The following KCNB2 variants were observed in gnomAD, a reference collection of about 807,000 sequenced individuals.
KCNB2 encodes the protein delayed rectifier potassium channel protein.
Under a neutral mutation model 61.5 loss-of-function variants are expected in KCNB2, and 15 were observed. That is an observed-to-expected ratio of 0.24 (90% confidence interval 0.16 to 0.38). The LOEUF (loss-of-function observed/expected upper bound fraction) is 0.38. Among genes scored for constraint, KCNB2 ranks in the 10% least tolerant of loss-of-function variants. The pLI is 1.00. For missense variants in KCNB2, 828 were observed against 1,125.2 expected, an observed-to-expected ratio of 0.74 and a Z score of 3.78; for synonymous variants, 457 against 446.0, an observed-to-expected ratio of 1.02 and a Z score of -0.31.
At chr8:72,561,733 A>G (rs1043770896) in intron 1 of KCNB2, among the ~76,000 whole-genome samples, 235 of 18,328 alleles carry the variant, frequency 0.013, 7 homozygotes, top group African/African-American at 0.027. Flanking sequence ...ATATATCTAT[A>G]TCTATATATA....
chr8:72,770,351 T>C (rs1563380145), intron 2 of KCNB2, among the ~76,000 whole-genome samples: 1 of 152,192 alleles, frequency 6.6e-6, no homozygotes, highest in Non-Finnish European at 1.5e-5. Context: ...AGGTTTTGTG[T>C]GTGTGCTTAA....
chr8:72,763,444 T>A (rs5017509), intron 2 of KCNB2, among the ~76,000 whole-genome samples: 18,204 of 152,172 alleles, frequency 0.12, 1,561 homozygotes, highest in East Asian at 0.51. Context: ...AAAAATCCAG[T>A]GTCTAGATGG....
rs1806911356 is a variant in KCNB2 at position 72,936,780 on chromosome 8, C to T, written c.1425C>T (p.Ser475=). The T allele has an allele frequency of 6.2e-7, 1 of 1,613,952 alleles. No homozygotes were observed. Among genetic ancestry groups the T allele is most frequent in the Non-Finnish European group, 8.5e-7 (1 of 1,180,014 alleles). ...TGGCTGTTGAGAAGGCCGGAGAGTC[C>T]GCCAACACAAAGGACTCCGCCGACG... ...IDVAVEKAGE[S]ANTKDSADDN... is the part of the protein sequence containing the mutation. The change falls in exon 3 of 3, where the codon TCC becomes TCT. Residue 475 remains serine, a synonymous_variant. Transcript: ENST00000523207. The surrounding 1 kb of genome is among the most constrained non-coding windows in gnomAD (Gnocchi z 5.6).
At chr8:72,717,202 A>G (rs867509492) in intron 2 of KCNB2, among the ~76,000 whole-genome samples, 5 of 152,258 alleles carry the variant, frequency 3.3e-5, no homozygotes, top group South Asian at 4.1e-4. Context: ...GCTCATAGGT[A>G]GAAAGAATCA....
chr8:72,659,619 A>G (rs1469043632), intron 2 of KCNB2, among the ~76,000 whole-genome samples: 1 of 152,216 alleles, frequency 6.6e-6, no homozygotes, highest in African/African-American at 2.4e-5. Context: ...TGCCACATTG[A>G]AAGTAGAGTC....
At chr8:72,848,614 A>G (rs1421881483) in intron 2 of KCNB2, among the ~76,000 whole-genome samples, 1 of 152,176 alleles carries the variant, frequency 6.6e-6, no homozygotes, top group African/African-American at 2.4e-5. Flanking sequence ...GGTCCAGTCC[A>G]TGGACCACAT....
intron 1 of KCNB2, among the ~76,000 whole-genome samples, chr8:72,557,774 G>T (rs1806451271): frequency 6.6e-6 from 1 of 152,150 alleles, no homozygotes; most frequent in South Asian, 2.1e-4. Flanking sequence ...GCCACACAGT[G>T]GGCCTGGTAG....
intron 2 of KCNB2, among the ~76,000 whole-genome samples, chr8:72,925,086 C>G (rs1397410411): frequency 6.6e-6 from 1 of 152,164 alleles, no homozygotes; most frequent in Non-Finnish European, 1.5e-5. Context: ...TGCAGAGATT[C>G]ATTAAAAGGA....
chr8:72,855,298 C>T (rs1156619798), intron 2 of KCNB2, among the ~76,000 whole-genome samples: 1 of 152,214 alleles, frequency 6.6e-6, no homozygotes, highest in Non-Finnish European at 1.5e-5. Flanking sequence ...CAAGACTGCA[C>T]TCTCTTCACC....
Position 72,761,399 on chromosome 8 carries a change from G to A in KCNB2, c.580-174536G>A, listed in dbSNP as rs141231096. Among the ~76,000 whole-genome samples the A allele has an allele frequency of 9.2e-5, 14 of 152,264 alleles. No homozygotes were observed. The East Asian group carries it at 1.5e-3, about 17-fold the overall frequency. ...GCTTGAAACACATGCATTCACAAAT[G>A]AGCCCCTTCCAACAATGCCTAAGGA... On this transcript the variant is annotated intron_variant, in intron 2 of 2. Transcript: ENST00000523207.
chr8:72,614,211 G>A (rs1805583060), intron 2 of KCNB2, among the ~76,000 whole-genome samples: 1 of 152,152 alleles, frequency 6.6e-6, no homozygotes. Flanking sequence ...AGTTTTATTA[G>A]ATATTGATTG....
chr8:72,638,165 G>T (rs540005206), intron 2 of KCNB2, among the ~76,000 whole-genome samples: 5 of 152,138 alleles, frequency 3.3e-5, no homozygotes, highest in African/African-American at 1.2e-4. Context: ...TCCAGTATCC[G>T]CCATTCAGAA....
Position 72,937,299 on chromosome 8 carries a change from C to T in KCNB2, c.1944C>T (p.Gly648=), listed in dbSNP as rs763584250. The part of the protein sequence containing the change: ...PGTEEHQRAR[G]PPFLTLSREK... ...CAGAAGAGCACCAAAGAGCTAGGGG[C>T]CCCCCGTTTCTAACTCTATCCAGAG... Residue 648 remains glycine (G), a synonymous_variant, in exon 3 of 3, where the codon GGC becomes GGT. Transcript: ENST00000523207. 5.0e-6 allele frequency: 8 copies of T among 1,613,644 alleles called. No individual in the cohort carries two copies. The African/African-American group carries it at 9.3e-5, about 19-fold the overall frequency.
intron 2 of KCNB2, among the ~76,000 whole-genome samples, chr8:72,657,014 G>A (rs1806302550): frequency 6.6e-6 from 1 of 152,048 alleles, no homozygotes; most frequent in Non-Finnish European, 1.5e-5. Flanking sequence ...TTTCATTAGG[G>A]TAGAAAACCA....
chr8:72,803,107 A>C (rs1809158371), intron 2 of KCNB2, among the ~76,000 whole-genome samples: 1 of 152,124 alleles, frequency 6.6e-6, no homozygotes, highest in Non-Finnish European at 1.5e-5. Flanking sequence ...GACCTGTGGA[A>C]ATGAAGAAGG....
chr8:72,652,868 T>G (rs1806233994), intron 2 of KCNB2, among the ~76,000 whole-genome samples: 1 of 152,144 alleles, frequency 6.6e-6, no homozygotes, highest in Admixed American at 6.5e-5. Flanking sequence ...TAACAGGAAT[T>G]TATTCTCCAA....
At chr8:72,883,894 T>C (rs910006389) in intron 2 of KCNB2, among the ~76,000 whole-genome samples, 4 of 152,214 alleles carry the variant, frequency 2.6e-5, no homozygotes, top group African/African-American at 9.6e-5. Context: ...TGCATGTTAC[T>C]ACATCTGTCT....
intron 2 of KCNB2, among the ~76,000 whole-genome samples, chr8:72,888,617 A>G (rs1252726115): frequency 6.6e-6 from 1 of 152,210 alleles, no homozygotes; most frequent in Non-Finnish European, 1.5e-5. Context: ...ATAAACATAA[A>G]GGTAAATTAT....
intron 2 of KCNB2, among the ~76,000 whole-genome samples, chr8:72,586,935 C>T (rs962254570): frequency 6.6e-6 from 1 of 152,188 alleles, no homozygotes; most frequent in African/African-American, 2.4e-5. Context: ...ACATATGATC[C>T]TCTCGAAGGT....
Sources: allele counts gnomAD v4.1 joint callset (sites outside exome capture counted in the v4.1 genomes callset), GRCh38; gene constraint gnomAD v4.1.1; non-coding constraint Gnocchi (gnomAD v3.1); transcripts MANE v1.5; gene names NCBI Gene and HGNC (gene_info 2026-07-23, HGNC 2026-07-21).